Variants in TRPC6 observed in about 807,000 individuals in gnomAD.
TRPC6 encodes short transient receptor potential channel 6.
Under a neutral mutation model 90.7 loss-of-function variants are expected in TRPC6, and 55 were observed. That is an observed-to-expected ratio of 0.61 (90% confidence interval 0.49 to 0.76). TRPC6 has a LOEUF of 0.76. Ranked by LOEUF, TRPC6 falls within the 30% of genes least tolerant of loss-of-function variation. TRPC6 has a pLI of 0.00. For synonymous variants in TRPC6, 393 were observed against 393.0 expected (o/e 1.00, Z 0.00); for missense variants, 989 against 1,122.7 (o/e 0.88, Z 1.70).
Position 101,533,029 on chromosome 11 carries a change from A to G in TRPC6, c.171-28231T>C, listed in dbSNP as rs1054954130. 6.6e-5 allele frequency among the ~76,000 whole-genome samples: 10 copies of G among 152,154 alleles called. No individual in the cohort carries two copies. In the East Asian group the frequency reaches 1.4e-3, roughly 21 times the overall value. On this transcript the variant is annotated intron_variant, in intron 1 of 12. Coordinates refer to ENST00000344327, the MANE Select transcript of TRPC6 (RefSeq NM_004621.6). ...TTCAACAGTGCCATGGTGAGCCACA[A>G]ACCGAGAAGGTCAGGGTGGAGGAAG...
chr11:101,551,958 C>T (rs1202648181), intron 1 of TRPC6, among the ~76,000 whole-genome samples: 1 of 152,008 alleles, frequency 6.6e-6, no homozygotes, highest in African/African-American at 2.4e-5. Context: ...GAAACTGGGG[C>T]TTGGGGAACT....
At chr11:101,557,315 A>T (rs772968416) in intron 1 of TRPC6, among the ~76,000 whole-genome samples, 8 of 152,216 alleles carry the variant, frequency 5.3e-5, no homozygotes, top group Non-Finnish European at 8.8e-5. Flanking sequence ...AGACTGTGCC[A>T]CTGCACTCCA....
In TRPC6 at chr11:101,583,473, TCCGGGGCCCGAACG is replaced by T. The variant is rs1293454499; in HGVS notation, c.17_30del (p.Ala6GlufsTer51). The T allele has an allele frequency of 6.6e-7, 1 of 1,516,228 alleles. No individual in the cohort carries two copies. The highest frequency in any genetic ancestry group is 2.0e-5 in the Admixed American group (1 of 48,874). 93.9% of individuals were successfully genotyped at this position (1,516,228 alleles called of 1,614,324 possible). A position where few individuals can be genotyped will look rare whatever the true frequency, so the allele number is the denominator to read the frequency against. On this transcript the variant is annotated frameshift_variant, in exon 1 of 13. Coordinates refer to ENST00000344327, the MANE Select transcript of TRPC6 (RefSeq NM_004621.6). LOFTEE classifies it high-confidence loss of function. ...GCAGCGCCCCGGGGAGAACTGCCCC[TCCGGGGCCCGAACG>T]CCGGGCTCTGGCTCATGGCGGGAAC...
intron 1 of TRPC6, among the ~76,000 whole-genome samples, chr11:101,569,018 C>T (rs1861896339): frequency 6.6e-6 from 1 of 152,212 alleles, no homozygotes; most frequent in South Asian, 2.1e-4. Flanking sequence ...CAATATTGAC[C>T]TTAAATGTAA....
In TRPC6 at chr11:101,469,514, G is replaced by C. The variant is rs748690451; in HGVS notation, c.2410-13C>G. 2 of 749,452 alleles carry C rather than the reference G, an allele frequency of 2.7e-6. No individual in the cohort carries two copies. The highest frequency in any genetic ancestry group is 1.8e-5 in the Admixed American group (1 of 55,632). The allele number at this position is 749,452 out of a possible 1,614,324, so 46.4% of individuals were successfully genotyped here. ...TTTCTTCATTTATCTTTTAAAGATA[G>C]ATAGTAAAATGAGTATAACTGCATA... is the stretch of plus-strand genomic sequence containing the variant. On this transcript the variant is annotated splice_polypyrimidine_tract_variant and intron_variant, in intron 9 of 12. Transcript: ENST00000344327.
At position 101,476,418 on chromosome 11, in the gene TRPC6, CAATG is replaced by C. The variant is rs762504522; in HGVS notation, c.1623_1626del (p.Phe541LeufsTer23). The C allele has an allele frequency of 1.9e-6, 3 of 1,614,086 alleles. No homozygotes were observed. The highest frequency in any genetic ancestry group is 2.5e-6 in the Non-Finnish European group (3 of 1,179,988). On this transcript the variant is annotated frameshift_variant, in exon 6 of 13. Coordinates refer to ENST00000344327, the MANE Select transcript of TRPC6 (RefSeq NM_004621.6). LOFTEE classifies it high-confidence loss of function. ...GCATGCCAAAATGCCATGAATCTCG[CAATG>C]AATGATGCTGCGAAAATTGCTAACA...
At position 101,476,379 on chromosome 11, in the gene TRPC6, T is replaced by C; in HGVS notation, c.1666A>G (p.Ser556Gly). The stretch of plus-strand genomic sequence containing the variant: ...AAAGTATCATTTGCGTCAATGATGC[T>C]CTGGGCTTTGGAAGCATGCCAAAAT... ...MAFWHASKAQ[S>G]IIDANDTLKD... is the part of the protein sequence containing the mutation. Residue 556 changes from serine (S) to glycine (G), a missense_variant, in exon 6 of 13, where the codon AGC becomes GGC. Around this residue, in one of 4 missense-constraint regions of TRPC6, gnomAD observed 486 missense variants for 591.9 expected, o/e 0.82. Coordinates refer to ENST00000344327, the MANE Select transcript of TRPC6 (RefSeq NM_004621.6). 1 of 1,614,098 alleles carries C rather than the reference T, an allele frequency of 6.2e-7. No individual in the cohort carries two copies. The highest frequency in any genetic ancestry group is 8.5e-7 in the Non-Finnish European group (1 of 1,179,988).
intron 10 of TRPC6, among the ~76,000 whole-genome samples, chr11:101,465,306 T>C (rs7936768): frequency 0.31 from 46,636 of 152,038 alleles, 9,258 homozygotes; most frequent in African/African-American, 0.57. Flanking sequence ...TGGTGGTCTT[T>C]GTATTTCCTG....
chr11:101,558,282 T>TGTATATGGGTATAC (rs1565243296), intron 1 of TRPC6, among the ~76,000 whole-genome samples: 8 of 86,162 alleles, frequency 9.3e-5, no homozygotes, highest in African/African-American at 3.7e-4. Flanking sequence ...TACATGTATA[T>TGTATATGGGTATAC]ATGTATACAT....
Position 101,469,560 on chromosome 11 carries a change from T to A in TRPC6, c.2410-59A>T, listed in dbSNP as rs551783184. 2.6e-5 allele frequency: 18 copies of A among 691,146 alleles called. No homozygotes were observed. The South Asian group carries it at 2.8e-4, about 11-fold the overall frequency. The allele number at this position is 691,146 out of a possible 1,614,324, so 42.8% of individuals were successfully genotyped here. A position where few individuals can be genotyped will look rare whatever the true frequency, so the allele number is the denominator to read the frequency against. Reference sequence around the variant, plus strand: ...GCATAACCAATTTCACTCTTCATTCTGTATTTTAAAAGCCATTTCGTCTAA... The same window carrying A: ...GCATAACCAATTTCACTCTTCATTCAGTATTTTAAAAGCCATTTCGTCTAA... On this transcript the variant is annotated intron_variant, in intron 9 of 12. Transcript: ENST00000344327.
chr11:101,471,605 G>C (rs2136669992), intron 8 of TRPC6, among the ~76,000 whole-genome samples: 1 of 152,166 alleles, frequency 6.6e-6, no homozygotes, highest in East Asian at 1.9e-4. Context: ...TAATCTCCAA[G>C]TTCCCATGTG....
chr11:101,581,258 C>G (rs1266257460), intron 1 of TRPC6, among the ~76,000 whole-genome samples: 1 of 152,262 alleles, frequency 6.6e-6, no homozygotes, highest in Non-Finnish European at 1.5e-5. Flanking sequence ...TCACTAAATA[C>G]TGCATGTTGA....
rs142002590 is a variant in TRPC6 at position 101,575,231 on chromosome 11, T to G, written c.170+8103A>C. ...GGCAATGAAAAGTAAAAGAAAGCCT[T>G]GCCTTTTGCAATCTTTAGTCATGAT... On this transcript the variant is annotated intron_variant, in intron 1 of 12. Transcript: ENST00000344327. 4.0e-3 allele frequency among the ~76,000 whole-genome samples: 602 copies of G among 152,318 alleles called. 1 individual carries two copies. The highest frequency in any genetic ancestry group is 0.014 in the African/African-American group (573 of 41,572).
At chr11:101,491,507 C>A (rs1186501156) in intron 3 of TRPC6, 49 bp downstream of exon 3, 1 of 1,601,010 alleles carries the variant, frequency 6.2e-7, no homozygotes, top group Non-Finnish European at 8.5e-7. Context: ...CCTTATTTAG[C>A]ACCAACAAGA....
chr11:101,542,388 A>G (rs17096904), intron 1 of TRPC6, among the ~76,000 whole-genome samples: 16,428 of 152,258 alleles, frequency 0.11, 1,661 homozygotes, highest in East Asian at 0.54. Context: ...TCTAAAATAC[A>G]TCTTTCTGGG....
chr11:101,492,570 G>A lies in TRPC6; in HGVS notation c.946-832C>T, dbSNP rs142051175. On this transcript the variant is annotated intron_variant, in intron 2 of 12. Coordinates refer to ENST00000344327, the MANE Select transcript of TRPC6 (RefSeq NM_004621.6). ...GTCACTCTAGCCTGGGCAACAAAGCGAGACCCTGTCTAAAAAAAAAAGAGT... is the reference window on the plus strand; with the variant it reads ...GTCACTCTAGCCTGGGCAACAAAGCAAGACCCTGTCTAAAAAAAAAAGAGT... 5.0e-3 allele frequency among the ~76,000 whole-genome samples: 687 copies of A among 136,456 alleles called. 3 individuals carry two copies. Among genetic ancestry groups the A allele is most frequent in the African/African-American group, 0.02 (651 of 33,266 alleles). 89.5% of individuals were successfully genotyped at this position (136,456 alleles called of 152,430 possible). A position where few individuals can be genotyped will look rare whatever the true frequency, so the allele number is the denominator to read the frequency against.
intron 1 of TRPC6, among the ~76,000 whole-genome samples, chr11:101,517,231 C>A (rs758386594): frequency 2.0e-5 from 3 of 152,178 alleles, no homozygotes; most frequent in Non-Finnish European, 2.9e-5. Flanking sequence ...TTCAGTCAAA[C>A]TAGTGAAGCC....
At chr11:101,518,682 T>C (rs1263402127) in intron 1 of TRPC6, among the ~76,000 whole-genome samples, 1 of 152,216 alleles carries the variant, frequency 6.6e-6, no homozygotes, top group Non-Finnish European at 1.5e-5. Flanking sequence ...GCAATCCCAC[T>C]GCTGGGTATA....
At chr11:101,520,847 G>A (rs1452932074) in intron 1 of TRPC6, among the ~76,000 whole-genome samples, 1 of 152,128 alleles carries the variant, frequency 6.6e-6, no homozygotes, top group Non-Finnish European at 1.5e-5. Context: ...TCAGAGTGAT[G>A]GATTTAGGGT....
Sources: gnomAD v4.1 joint callset for allele counts (sites outside exome capture counted in the v4.1 genomes callset) on GRCh38, gnomAD v4.1.1 for gene constraint, gnomAD v4.1.1 regional missense constraint, MANE v1.5 for transcripts, NCBI Gene and HGNC (gene_info 2026-07-23, HGNC 2026-07-21) for gene names.